Variants in CYRIA observed in about 807,000 individuals in gnomAD.
The protein encoded by CYRIA is CYFIP related Rac1 interactor A, also known as CYFIP-related Rac1 interactor A.
In CYRIA, 15 loss-of-function variants were observed where a neutral mutation model predicts 43.9. The ratio of observed to expected loss-of-function variants is 0.34; its 90% confidence interval spans 0.23 to 0.53. The LOEUF (loss-of-function observed/expected upper bound fraction) is 0.53, where lower values mean the gene tolerates loss of function less well. Ranked by LOEUF, CYRIA falls within the 20% of genes least tolerant of loss-of-function variation. The probability of loss-of-function intolerance (pLI) is 0.94; values close to 1 mark genes in which losing one functional copy is unlikely to be tolerated. For missense variants in CYRIA, 236 were observed against 394.2 expected, an observed-to-expected ratio of 0.60 and a Z score of 3.40; for synonymous variants, 117 against 136.0, an observed-to-expected ratio of 0.86 and a Z score of 0.97.
intron 1 of CYRIA, 111 bp from the exon 2 acceptor site, chr2:16,624,130 G>C (rs1348298725): frequency 6.6e-6 from 1 of 152,180 alleles, no homozygotes; most frequent in Non-Finnish European, 1.5e-5. Flanking sequence ...AGATTATCAG[G>C]CCTGAAGGAC....
chr2:16,643,535 G>A (rs1259289695), intron 1 of CYRIA, among the ~76,000 whole-genome samples: 2 of 152,208 alleles, frequency 1.3e-5, no homozygotes, highest in Non-Finnish European at 2.9e-5. Flanking sequence ...ACACAGTCAC[G>A]ATGTAAATGA....
intron 1 of CYRIA, among the ~76,000 whole-genome samples, chr2:16,645,701 T>C (rs1335940366): frequency 6.6e-6 from 1 of 152,232 alleles, no homozygotes; most frequent in Non-Finnish European, 1.5e-5. Flanking sequence ...CCAGAGATCA[T>C]TGACAGCTAG....
chr2:16,593,718 G>GTTTTTTTTTTTTTTTT (rs572181896), intron 2 of CYRIA, among the ~76,000 whole-genome samples: 1 of 85,852 alleles, frequency 1.2e-5, no homozygotes, highest in Non-Finnish European at 2.3e-5. Context: ...GTGTGTGTGT[G>GTTTTTTTTTTTTTTTT]TTTTTTTTTT....
chr2:16,624,065 A>G (rs1165093504), intron 1 of CYRIA, 46 bp from the exon 2 acceptor site: 2 of 152,366 alleles, frequency 1.3e-5, no homozygotes, highest in East Asian at 1.9e-4. Flanking sequence ...GCAATTTCCT[A>G]TTCTCCACTA....
chr2:16,577,868 AG>A (rs955033428), intron 3 of CYRIA, among the ~76,000 whole-genome samples: 1 of 152,230 alleles, frequency 6.6e-6, no homozygotes, highest in Non-Finnish European at 1.5e-5. Context: ...GTCTTATCTA[AG>A]GGTGAAGTGT....
intron 3 of CYRIA, among the ~76,000 whole-genome samples, chr2:16,567,837 G>C (rs764370547): frequency 1.1e-4 from 17 of 152,180 alleles, no homozygotes; most frequent in African/African-American, 3.9e-4. Flanking sequence ...CAGAGAAAGA[G>C]AAGATGAATG....
intron 2 of CYRIA, among the ~76,000 whole-genome samples, chr2:16,608,455 G>A (rs1049715362): frequency 1.3e-5 from 2 of 152,102 alleles, no homozygotes; most frequent in African/African-American, 2.4e-5. Flanking sequence ...TTTTAAGATC[G>A]CAAATTTCAG....
intron 4 of CYRIA, among the ~76,000 whole-genome samples, chr2:16,565,268 T>C (rs2103417894): frequency 6.6e-6 from 1 of 151,798 alleles, no homozygotes; most frequent in African/African-American, 2.4e-5. Flanking sequence ...CTGAAACCTC[T>C]GCTTCCCAGG....
chr2:16,576,833 T>TA (rs574269535), intron 3 of CYRIA, among the ~76,000 whole-genome samples: 1 of 152,070 alleles, frequency 6.6e-6, no homozygotes, highest in Non-Finnish European at 1.5e-5. Context: ...TATTCAGTCT[T>TA]AAAAAAAGAA....
intron 2 of CYRIA, among the ~76,000 whole-genome samples, chr2:16,604,143 A>G (rs567738999): frequency 6.6e-6 from 1 of 152,246 alleles, no homozygotes; most frequent in South Asian, 2.1e-4. Flanking sequence ...TCTAGCTACT[A>G]TGGGGCCCCA....
intron 1 of CYRIA, among the ~76,000 whole-genome samples, chr2:16,626,217 G>A (rs1669159326): frequency 6.6e-6 from 1 of 152,104 alleles, no homozygotes; most frequent in African/African-American, 2.4e-5. Context: ...GGCACCAAGG[G>A]GTAGAGAATG....
chr2:16,653,706 G>C (rs1392534511), intron 1 of CYRIA, among the ~76,000 whole-genome samples: 1 of 152,180 alleles, frequency 6.6e-6, no homozygotes, highest in Non-Finnish European at 1.5e-5. Flanking sequence ...TGAATAAGTA[G>C]ATGGACAGAT....
chr2:16,553,043 C>T (rs1043506322), intron 11 of CYRIA, 44 bp from the exon 12 acceptor site: 6 of 1,214,268 alleles, frequency 4.9e-6, no homozygotes, highest in Admixed American at 1.7e-5. Context: ...AAACAGTGCT[C>T]TGTGTAAGCT....
chr2:16,659,185 G>C (rs1370983466), intron 1 of CYRIA, among the ~76,000 whole-genome samples: 1 of 152,208 alleles, frequency 6.6e-6, no homozygotes, highest in Non-Finnish European at 1.5e-5. Flanking sequence ...TTTGAGATGA[G>C]TGTTCTACCC....
intron 3 of CYRIA, among the ~76,000 whole-genome samples, chr2:16,581,123 C>T (rs973180261): frequency 6.6e-6 from 1 of 152,084 alleles, no homozygotes; most frequent in Non-Finnish European, 1.5e-5. Context: ...AAATTTGAAA[C>T]TTCCATTCAT....
intron 2 of CYRIA, among the ~76,000 whole-genome samples, chr2:16,617,024 G>A (rs987257569): frequency 1.8e-4 from 27 of 152,194 alleles, no homozygotes; most frequent in African/African-American, 6.0e-4. Flanking sequence ...TTTGTTTTAT[G>A]GGGGTCCTGA....
In CYRIA at chr2:16,603,142, C is replaced by T. The variant is rs114459154; in HGVS notation, c.-10-15013G>A. Among the ~76,000 whole-genome samples, 1,412 of 152,212 alleles carry T rather than the reference C, an allele frequency of 9.3e-3. 12 individuals carry two copies. The highest frequency in any genetic ancestry group is 0.022 in the South Asian group (108 of 4,812). On this transcript the variant is annotated intron_variant, in intron 2 of 11. Transcript: ENST00000381323. Reference sequence around the variant, plus strand: ...CGGACAGAATGCATTCAAATGAATGCACTGGGCACAGAACGCCTGGACCCC... The same window carrying T: ...CGGACAGAATGCATTCAAATGAATGTACTGGGCACAGAACGCCTGGACCCC...
At chr2:16,554,197 C>G (rs1010920476) in intron 11 of CYRIA, among the ~76,000 whole-genome samples, 1 of 152,094 alleles carries the variant, frequency 6.6e-6, no homozygotes, top group Non-Finnish European at 1.5e-5. Flanking sequence ...ATTGATCCAT[C>G]CCACTTAGAC....
chr2:16,624,822 A>G, intron 1 of CYRIA, among the ~76,000 whole-genome samples: 1 of 152,222 alleles, frequency 6.6e-6, no homozygotes, highest in East Asian at 1.9e-4. Context: ...AGAATTGTAT[A>G]AATATACTTT....
Sources: gnomAD v4.1 joint callset for allele counts (sites outside exome capture counted in the v4.1 genomes callset) on GRCh38, gnomAD v4.1.1 for gene constraint, MANE v1.5 for transcripts, NCBI Gene and HGNC (gene_info 2026-07-23, HGNC 2026-07-21) for gene names.